HPRT1: variants seen among roughly 807,000 people sequenced by gnomAD.
The protein encoded by HPRT1 is hypoxanthine-guanine phosphoribosyltransferase.
Under a neutral mutation model 19.0 loss-of-function variants are expected in HPRT1, and 4 were observed. The observed-to-expected ratio is 0.21, with a 90% CI of 0.10 to 0.48. The LOEUF is 0.48. HPRT1 is among the 20% of genes least tolerant of loss of function. The pLI is 0.98. For missense variants in HPRT1, 65 were observed against 164.0 expected, an observed-to-expected ratio of 0.40 and a Z score of 3.30; for synonymous variants, 53 against 54.9, an observed-to-expected ratio of 0.97 and a Z score of 0.15.
Position 134,500,191 on chromosome X carries a change from C to G in HPRT1, c.*114C>G. The G allele has an allele frequency of 1.8e-6, 1 of 567,097 alleles. No homozygotes were observed. Among genetic ancestry groups the G allele is most frequent in the Non-Finnish European group, 3.1e-6 (1 of 321,174 alleles). The allele number at this position is 567,097 out of a possible 1,213,427, so 46.7% of individuals were successfully genotyped here. A position where few individuals can be genotyped will look rare whatever the true frequency, so the allele number is the denominator to read the frequency against. On this transcript the variant is annotated 3_prime_UTR_variant, in exon 9 of 9. Transcript: ENST00000298556. ...GCTTAGTAGAGCTTTTTGCATGTAT[C>G]TTCTAAGAATTTTATCTGTTTTGTA...
chrX:134,471,926 G>A (rs908377783), intron 1 of HPRT1, among the ~76,000 whole-genome samples: 4 of 110,748 alleles, frequency 3.6e-5, no homozygotes, highest in African/African-American at 9.9e-5. Flanking sequence ...GGCATGAGCC[G>A]CTGCATCAGC....
intron 3 of HPRT1, among the ~76,000 whole-genome samples, chrX:134,480,735 C>T (rs1215893363): frequency 1.0e-5 from 1 of 97,741 alleles, no homozygotes; most frequent in Non-Finnish European, 2.1e-5. Context: ...AGGTGTCAGC[C>T]GTTGCACCTG....
Position 134,500,048 on chromosome X carries a change from G to C in HPRT1, c.628G>C (p.Glu210Gln). Residue 210 changes from glutamate to glutamine, a missense_variant, in exon 9 of 9, where the codon GAA becomes CAA. This residue lies in a region of HPRT1 where 16 missense variants were observed against 65.7 expected (regional missense o/e 0.24). Transcript: ENST00000298556. ...TTTATAGCATGTTTGTGTCATTAGT[G>C]AAACTGGAAAAGCAAAATACAAAGC... Reference protein sequence around the residue: ...RDLNHVCVISETGKAKYKA With the variant: ...RDLNHVCVISQTGKAKYKA The C allele has an allele frequency of 8.5e-7, 1 of 1,179,148 alleles. No homozygotes were observed. Among genetic ancestry groups the C allele is most frequent in the South Asian group, 1.8e-5 (1 of 56,230 alleles).
At chrX:134,480,594 C>T (rs1207545909) in intron 3 of HPRT1, among the ~76,000 whole-genome samples, 1 of 102,164 alleles carries the variant, frequency 9.8e-6, no homozygotes, top group Admixed American at 1.1e-4. Flanking sequence ...CAAGTGCGTG[C>T]CATCACCCAT....
intron 6 of HPRT1, among the ~76,000 whole-genome samples, chrX:134,495,519 A>G (rs979894101): frequency 5.4e-5 from 6 of 111,826 alleles, no homozygotes; most frequent in Non-Finnish European, 1.1e-4. Flanking sequence ...GATTGATCTC[A>G]TTGTAGTGAG....
intron 1 of HPRT1, 136 bp from the exon 2 acceptor site, chrX:134,473,223 A>G: frequency 2.1e-6 from 1 of 483,503 alleles, no homozygotes; most frequent in East Asian, 3.8e-5. Context: ...TATCATACCT[A>G]CAAAGTTAAC....
Position 134,498,698 on chromosome X carries a change from T to G in HPRT1, c.609+14T>G, listed in dbSNP as rs1000189373. 4 of 1,051,116 alleles carry G rather than the reference T, an allele frequency of 3.8e-6. No homozygotes were observed. In the Admixed American group the frequency reaches 6.5e-5, roughly 17 times the overall value. 86.6% of individuals were successfully genotyped at this position (1,051,116 alleles called of 1,213,427 possible). On this transcript the variant is annotated intron_variant, in intron 8 of 8. Transcript: ENST00000298556. ...AGGGATTTGAATGTAAGTAATTGCT[T>G]CTTTTTCTCACTCATTTTTCAAAAC...
chrX:134,490,601 G>A (rs1406654510), intron 5 of HPRT1, among the ~76,000 whole-genome samples: 1 of 106,640 alleles, frequency 9.4e-6, no homozygotes, highest in African/African-American at 3.4e-5. Flanking sequence ...GTGTTATTAT[G>A]TGCTAAAGTA....
intron 1 of HPRT1, among the ~76,000 whole-genome samples, chrX:134,468,754 C>CAAA (rs150188289): frequency 9.3e-5 from 3 of 32,411 alleles, no homozygotes; most frequent in Non-Finnish European, 1.2e-4. Context: ...GACTCCGTCT[C>CAAA]AAAAAAAAAA....
At chrX:134,499,965 G>T in intron 8 of HPRT1, 65 bp from the exon 9 acceptor site, 1 of 724,299 alleles carries the variant, frequency 1.4e-6, no homozygotes, top group Non-Finnish European at 2.2e-6. Context: ...TATGTAAAAT[G>T]CTATTCTTGC....
chrX:134,460,417 C>G, intron 1 of HPRT1, 79 bp downstream of exon 1: 1 of 860,262 alleles, frequency 1.2e-6, no homozygotes, highest in Non-Finnish European at 1.5e-6. Flanking sequence ...GCGCGGGATC[C>G]GCAGTGCGGG....
intron 1 of HPRT1, among the ~76,000 whole-genome samples, chrX:134,471,794 C>T (rs2077611139): frequency 9.0e-6 from 1 of 110,609 alleles, no homozygotes. Context: ...GCGCGTGCCA[C>T]ATGCCTGGCT....
Position 134,490,233 on chromosome X carries a change from C to T in HPRT1, c.402+28C>T, listed in dbSNP as rs199526902. 10 of 907,650 alleles carry T rather than the reference C, an allele frequency of 1.1e-5. No homozygotes were observed. The Admixed American group carries it at 2.1e-4, about 19-fold the overall frequency. 74.8% of individuals were successfully genotyped at this position (907,650 alleles called of 1,213,427 possible). A position where few individuals can be genotyped will look rare whatever the true frequency, so the allele number is the denominator to read the frequency against. The stretch of plus-strand genomic sequence containing the variant: ...AAGTTCACATTTACTTTTAATATAA[C>T]ATTTATGACTTTTCTAACTTAGTAT... On this transcript the variant is annotated intron_variant, in intron 5 of 8. Coordinates refer to ENST00000298556, the MANE Select transcript of HPRT1 (RefSeq NM_000194.3).
chrX:134,467,647 T>A (rs1040538026), intron 1 of HPRT1, among the ~76,000 whole-genome samples: 17 of 111,257 alleles, frequency 1.5e-4, no homozygotes, highest in African/African-American at 5.6e-4. Flanking sequence ...ACCTGTTTGA[T>A]AGGAAGTTTT....
chrX:134,465,752 G>C (rs2077595354), intron 1 of HPRT1, among the ~76,000 whole-genome samples: 1 of 112,308 alleles, frequency 8.9e-6, no homozygotes, highest in Admixed American at 9.5e-5. Context: ...CTTAGAGCTA[G>C]TAATTAATAA....
intron 4 of HPRT1, among the ~76,000 whole-genome samples, chrX:134,488,723 G>A (rs1410633092): frequency 9.0e-6 from 1 of 110,618 alleles, no homozygotes; most frequent in East Asian, 2.8e-4. Flanking sequence ...TACCATGCTG[G>A]GATTCATTTG....
intron 1 of HPRT1, among the ~76,000 whole-genome samples, chrX:134,472,167 T>G (rs1338960983): frequency 1.8e-5 from 2 of 109,648 alleles, no homozygotes; most frequent in Non-Finnish European, 3.8e-5. Flanking sequence ...AGGGACGGGG[T>G]CTTGCTACAT....
At chrX:134,492,581 G>T in intron 5 of HPRT1, 2 of 326,801 alleles carry the variant, frequency 6.1e-6, no homozygotes, top group South Asian at 2.7e-5. Context: ...GCTGGCCAGG[G>T]GTTGCTCCCA....
At chrX:134,480,227 A>G (rs1396165467) in intron 3 of HPRT1, among the ~76,000 whole-genome samples, 1 of 111,472 alleles carries the variant, frequency 9.0e-6, no homozygotes, top group Non-Finnish European at 1.9e-5. Context: ...AGATCATACA[A>G]GTCTTTGATT....
Sources: gnomAD v4.1 joint callset for allele counts (sites outside exome capture counted in the v4.1 genomes callset) on GRCh38, gnomAD v4.1.1 for gene constraint, gnomAD v4.1.1 regional missense constraint, MANE v1.5 for transcripts, NCBI Gene and HGNC (gene_info 2026-07-23, HGNC 2026-07-21) for gene names.